MELK: variants seen among roughly 807,000 people sequenced by gnomAD.
MELK encodes pEg3 kinase.
Under a neutral mutation model 85.0 loss-of-function variants are expected in MELK, and 81 were observed. That is an observed-to-expected ratio of 0.95 (90% CI 0.80 to 1.15). MELK has a LOEUF of 1.15. MELK is among the 50% of genes most tolerant of loss of function. The pLI is 0.00. For synonymous variants in MELK, 252 were observed against 265.0 expected (o/e 0.95, Z 0.48); for missense variants, 754 against 777.5 (o/e 0.97, Z 0.36).
chr9:36,666,977 TAC>T (rs1206159661), intron 14 of MELK, among the ~76,000 whole-genome samples: 1 of 151,316 alleles, frequency 6.6e-6, no homozygotes, highest in Non-Finnish European at 1.5e-5. Context: ...AGATAGCCTC[TAC>T]CCTGCAATGG....
At chr9:36,605,991 G>A (rs1587404186) in intron 7 of MELK, among the ~76,000 whole-genome samples, 1 of 150,744 alleles carries the variant, frequency 6.6e-6, no homozygotes, top group Admixed American at 6.6e-5. Flanking sequence ...GCTCAAATGA[G>A]AGTAAGAGCT....
chr9:36,657,696 T>G (rs1446754260), intron 13 of MELK, among the ~76,000 whole-genome samples: 1 of 152,184 alleles, frequency 6.6e-6, no homozygotes, highest in African/African-American at 2.4e-5. Flanking sequence ...GTTCAAGTGA[T>G]TCTCATGCCT....
At chr9:36,643,177 G>A in intron 11 of MELK, 94 bp downstream of exon 11, 1 of 988,418 alleles carries the variant, frequency 1.0e-6, no homozygotes, top group Non-Finnish European at 1.5e-6. Flanking sequence ...GAGGTCAGGA[G>A]TTCGAGACCA....
chr9:36,646,885 T>C (rs1830262496), intron 11 of MELK, among the ~76,000 whole-genome samples: 1 of 152,246 alleles, frequency 6.6e-6, no homozygotes, highest in South Asian at 2.1e-4. Context: ...AAGAATGTTT[T>C]TAGTTTTCTA....
At chr9:36,655,585 TG>T (rs1831168311) in intron 12 of MELK, among the ~76,000 whole-genome samples, 1 of 152,150 alleles carries the variant, frequency 6.6e-6, no homozygotes, top group Admixed American at 6.5e-5. Context: ...GCCATTGATT[TG>T]TGAGCAAGAG....
chr9:36,597,253 TAA>T lies in MELK; in HGVS notation c.439_440del (p.Lys147AlafsTer3), dbSNP rs762671332. On this transcript the variant is annotated frameshift_variant, in exon 6 of 18. Coordinates refer to ENST00000298048, the MANE Select transcript of MELK (RefSeq NM_014791.4). LOFTEE classifies it high-confidence loss of function. ...TTGCTGTTTGATGAATATCATAAAT[TAA>T]AGCTGATTGACTTTGGTCTCTGTGC... The T allele has an allele frequency of 4.3e-6, 7 of 1,613,818 alleles. No individual in the cohort carries two copies. The South Asian group carries it at 7.7e-5, about 18-fold the overall frequency.
intron 8 of MELK, among the ~76,000 whole-genome samples, chr9:36,622,733 T>G (rs1486132356): frequency 6.6e-6 from 1 of 152,242 alleles, no homozygotes; most frequent in Non-Finnish European, 1.5e-5. Context: ...GTTGTCTCTT[T>G]ATGAAATTAT....
At chr9:36,580,053 T>A (rs943087474) in intron 1 of MELK, among the ~76,000 whole-genome samples, 54 of 147,554 alleles carry the variant, frequency 3.7e-4, no homozygotes, top group African/African-American at 9.9e-4. Context: ...TTTTTTTTTT[T>A]TTTTTTTATT....
chr9:36,589,706 AAAGAG>A, intron 4 of MELK, 54 bp downstream of exon 4: 1 of 1,270,682 alleles, frequency 7.9e-7, no homozygotes, highest in Non-Finnish European at 1.1e-6. Context: ...ATCAATAGTA[AAAGAG>A]AAAAGTACAT....
intron 14 of MELK, among the ~76,000 whole-genome samples, chr9:36,666,169 G>A (rs1832322368): frequency 6.6e-6 from 1 of 152,200 alleles, no homozygotes. Context: ...ATTTAGTCAT[G>A]AGCAGTTATT....
At position 36,657,371 on chromosome 9, in the gene MELK, A is replaced by C. The variant is rs757378983; in HGVS notation, c.1176+8A>C. 1 of 1,600,334 alleles carries C rather than the reference A, an allele frequency of 6.2e-7. No homozygotes were observed. The highest frequency in any genetic ancestry group is 2.2e-5 in the East Asian group (1 of 44,694). On this transcript the variant is annotated splice_region_variant and intron_variant, in intron 13 of 17. Coordinates refer to ENST00000298048, the MANE Select transcript of MELK (RefSeq NM_014791.4). ...ACTCCCCGAACATCACAGGTTCGTC[A>C]TTCTTATTACTATTTAAGGCAGAAT... is the stretch of plus-strand genomic sequence containing the variant.
At chr9:36,619,268 G>A (rs1172143143) in intron 8 of MELK, among the ~76,000 whole-genome samples, 1 of 152,136 alleles carries the variant, frequency 6.6e-6, no homozygotes, top group Non-Finnish European at 1.5e-5. Context: ...CTAACTCTAC[G>A]TATTCTTTAG....
intron 8 of MELK, among the ~76,000 whole-genome samples, chr9:36,615,057 G>A (rs1236678895): frequency 2.1e-5 from 3 of 142,512 alleles, no homozygotes; most frequent in African/African-American, 8.3e-5. Context: ...GCAGCTGGCC[G>A]GGCGGGGGGG....
chr9:36,651,632 C>A, intron 11 of MELK, 114 bp from the exon 12 acceptor site: 1 of 1,259,416 alleles, frequency 7.9e-7, no homozygotes, highest in Non-Finnish European at 1.1e-6. Context: ...CTGTGTAAAC[C>A]TATTGGCTTT....
At chr9:36,653,196 G>T (rs571205706) in intron 12 of MELK, among the ~76,000 whole-genome samples, 1 of 152,134 alleles carries the variant, frequency 6.6e-6, no homozygotes, top group East Asian at 1.9e-4. Flanking sequence ...GTCCTGGCTG[G>T]AGTACAGTGG....
At chr9:36,610,416 T>G (rs566972244) in intron 8 of MELK, among the ~76,000 whole-genome samples, 1 of 152,374 alleles carries the variant, frequency 6.6e-6, no homozygotes, top group Admixed American at 6.5e-5. Flanking sequence ...TCCAACTCCT[T>G]GAAGACTGAG....
chr9:36,671,477 G>A (rs74777317), intron 16 of MELK, among the ~76,000 whole-genome samples: 4,304 of 152,244 alleles, frequency 0.028, 198 homozygotes, highest in African/African-American at 0.098. Flanking sequence ...CTGCCTTAAG[G>A]AGGGGGACTT....
intron 8 of MELK, among the ~76,000 whole-genome samples, chr9:36,621,624 C>CCTTA (rs1827457604): frequency 6.6e-6 from 1 of 152,100 alleles, no homozygotes; most frequent in African/African-American, 2.4e-5. Context: ...AGACTGAATA[C>CCTTA]CTTACCCTGT....
intron 11 of MELK, among the ~76,000 whole-genome samples, chr9:36,648,438 A>C (rs1418740401): frequency 6.6e-6 from 1 of 152,214 alleles, no homozygotes; most frequent in Non-Finnish European, 1.5e-5. Flanking sequence ...TTAGAACCCT[A>C]GATTCCTTTC....
Sources: gnomAD v4.1 joint callset for allele counts (sites outside exome capture counted in the v4.1 genomes callset) on GRCh38, gnomAD v4.1.1 for gene constraint, MANE v1.5 for transcripts, NCBI Gene and HGNC (gene_info 2026-07-23, HGNC 2026-07-21) for gene names.